The following C1QTNF6 variants were observed in gnomAD, a reference collection of about 807,000 sequenced individuals.
C1QTNF6 encodes complement C1q tumor necrosis factor-related protein 6.
In C1QTNF6, 17 loss-of-function variants were observed where a neutral mutation model predicts 20.7. The observed-to-expected ratio is 0.82, with a 90% CI of 0.56 to 1.23. C1QTNF6 has a LOEUF of 1.23. C1QTNF6 is among the 50% of genes most tolerant of loss of function. The pLI, the probability that C1QTNF6 is intolerant of heterozygous loss-of-function variation, is 0.00. For missense variants in C1QTNF6, 329 were observed against 389.7 expected (o/e 0.84, Z 1.31); for synonymous variants, 130 against 156.3 (o/e 0.83, Z 1.25).
rs770710907 is a variant in C1QTNF6, at chr22:37,184,331, A to G, written c.289+887T>C. The G allele has an allele frequency of 1.5e-5, 11 of 716,592 alleles. No homozygotes were observed. Among genetic ancestry groups the G allele is most frequent in the South Asian group, 1.5e-4 (10 of 67,590 alleles). 44.4% of individuals were successfully genotyped at this position (716,592 alleles called of 1,614,324 possible). A position where few individuals can be genotyped will look rare whatever the true frequency, so the allele number is the denominator to read the frequency against. On this transcript the variant is annotated intron_variant, in intron 2 of 2. Transcript: ENST00000337843. The surrounding 1 kb of genome is among the most constrained non-coding windows in gnomAD (Gnocchi z 4.0). The stretch of plus-strand genomic sequence containing the variant: ...TGCAAAGTGGGAGGAATAAGAAAAT[A>G]TCGACCTCACGGGCTGTTGTGGGCA...
Position 37,182,956 on chromosome 22 carries a change from G to A in C1QTNF6, c.290-221C>T, listed in dbSNP as rs9622566. 242 of 1,409,008 alleles carry A rather than the reference G, an allele frequency of 1.7e-4. No homozygotes were observed. In the African/African-American group the frequency reaches 2.7e-3, roughly 16 times the overall value. 87.3% of individuals were successfully genotyped at this position (1,409,008 alleles called of 1,614,324 possible). On this transcript the variant is annotated intron_variant, in intron 2 of 2. Transcript: ENST00000337843. ...ACAGAGAGGGTGAGTGACTCACCCC[G>A]GGCCACACAGTGCAGGAGCAGAAGA... is the stretch of plus-strand genomic sequence containing the variant.
chr22:37,192,015 T>C (rs1224976585), upstream of C1QTNF6, among the ~76,000 whole-genome samples: 1 of 148,078 alleles, frequency 6.8e-6, no homozygotes, highest in Admixed American at 6.8e-5. Context: ...ATTTAATTTA[T>C]GGAAAAACTG....
chr22:37,186,363 T>C (rs1366903550), intron 1 of C1QTNF6, among the ~76,000 whole-genome samples: 3 of 152,234 alleles, frequency 2.0e-5, no homozygotes, highest in Non-Finnish European at 2.9e-5. Context: ...CAACTATCTA[T>C]GCAACCCAAC....
intron 2 of C1QTNF6, among the ~76,000 whole-genome samples, chr22:37,183,950 C>T (rs889029328): frequency 6.6e-6 from 1 of 152,106 alleles, no homozygotes; most frequent in Admixed American, 6.5e-5. Flanking sequence ...AGGCTGGGAC[C>T]CAGGACTCCC....
At chr22:37,188,333 G>A (rs1348741387), upstream of C1QTNF6, 11 of 878,544 alleles carry the variant, frequency 1.3e-5, 1 homozygote, top group South Asian at 1.9e-5. Flanking sequence ...GGAGGGCGGA[G>A]GGAGAGGGCA....
chr22:37,197,043 A>C (rs1034293674), intron 1 of C1QTNF6: 2 of 152,272 alleles, frequency 1.3e-5, no homozygotes, highest in Admixed American at 1.3e-4. Context: ...GTCACATGGC[A>C]GACTACAATC....
At chr22:37,185,870 C>T (rs1374261663) in intron 1 of C1QTNF6, 1 of 988,654 alleles carries the variant, frequency 1.0e-6, no homozygotes, top group Non-Finnish European at 1.2e-6. Flanking sequence ...CGCCCGCGCA[C>T]CTCCCTCTGG....
Position 37,185,459 on chromosome 22 carries a change from G to C in C1QTNF6, c.52-4C>G, listed in dbSNP as rs780585721. 1 of 1,593,058 alleles carries C rather than the reference G, an allele frequency of 6.3e-7. No individual in the cohort carries two copies. The highest frequency in any genetic ancestry group is 8.6e-7 in the Non-Finnish European group (1 of 1,167,874). ...GGGCGGCTGTCCCCATGGTGACCTG[G>C]AACAAGGAAGGAGGGACAGGAACTA... On this transcript the variant is annotated splice_region_variant and splice_polypyrimidine_tract_variant and intron_variant, in intron 1 of 2. Transcript: ENST00000337843.
intron 1 of C1QTNF6, 153 bp from the exon 2 acceptor site, chr22:37,185,608 A>G: frequency 7.3e-7 from 1 of 1,361,464 alleles, no homozygotes; most frequent in Non-Finnish European, 9.4e-7. Flanking sequence ...AGACAAGAAG[A>G]CTGAGACCTC....
intron 1 of C1QTNF6, chr22:37,185,705 G>C: frequency 8.4e-7 from 1 of 1,191,266 alleles, no homozygotes; most frequent in Non-Finnish European, 1.0e-6. Context: ...GTCCATGGAG[G>C]CTTCTGCTCC....
intron 2 of C1QTNF6, 50 bp from the exon 3 acceptor site, chr22:37,182,785 C>A (rs1372610167): frequency 1.3e-6 from 2 of 1,507,154 alleles, no homozygotes; most frequent in Non-Finnish European, 1.8e-6. Flanking sequence ...GAGCCTGCTC[C>A]AAGGAGGTGC....
Position 37,181,485 on chromosome 22 carries a change from C to A in C1QTNF6, c.*703G>T, listed in dbSNP as rs1923762670. ...GGTGGGTCACCTGAAGTCAGGAGTT[C>A]AAGACCAGCCTGGCCAATATGGTGA... On this transcript the variant is annotated 3_prime_UTR_variant, in exon 3 of 3. Coordinates refer to ENST00000337843, the MANE Select transcript of C1QTNF6 (RefSeq NM_031910.4). 1 of 152,126 alleles carries A rather than the reference C, an allele frequency of 6.6e-6. No homozygotes were observed. Among genetic ancestry groups the A allele is most frequent in the African/African-American group, 2.4e-5 (1 of 41,392 alleles). 9.4% of individuals were successfully genotyped at this position (152,126 alleles called of 1,614,324 possible).
intron 2 of C1QTNF6, among the ~76,000 whole-genome samples, chr22:37,193,422 G>C (rs1029162741): frequency 3.3e-5 from 5 of 152,004 alleles, no homozygotes; most frequent in African/African-American, 1.2e-4. Context: ...GTCCTCTCAG[G>C]TGGGGCATCA....
upstream of C1QTNF6, among the ~76,000 whole-genome samples, chr22:37,192,559 A>G (rs1398824003): frequency 3.9e-5 from 6 of 152,250 alleles, no homozygotes; most frequent in Non-Finnish European, 8.8e-5. Flanking sequence ...CAAACCTAAA[A>G]TCTGACCTGC....
chr22:37,190,532 A>C (rs1924749727), upstream of C1QTNF6: 1 of 152,212 alleles, frequency 6.6e-6, no homozygotes, highest in South Asian at 2.1e-4. Context: ...CAGGGACTTC[A>C]TACACAAGGT....
chr22:37,199,355 A>C (rs534970320), upstream of C1QTNF6: 1 of 152,468 alleles, frequency 6.6e-6, no homozygotes, highest in South Asian at 2.1e-4. Flanking sequence ...CCGAGGGACG[A>C]GGACCTGCCT....
rs1924097321 is a variant in C1QTNF6, at chr22:37,184,477, C to CCTCACCTGGATGCCT, written c.289+726_289+740dup. 5 of 714,728 alleles carry CCTCACCTGGATGCCT rather than the reference C, an allele frequency of 7.0e-6. No individual in the cohort carries two copies. The South Asian group carries it at 7.4e-5, about 11-fold the overall frequency. 44.3% of individuals were successfully genotyped at this position (714,728 alleles called of 1,614,324 possible). ...GGTAGCCAGCCCGCACCTGGACGGC[C>CCTCACCTGGATGCCT]CTCACCTGGATGCCTTTCACCTGGA... On this transcript the variant is annotated intron_variant, in intron 2 of 2. Transcript: ENST00000337843. The surrounding 1 kb of genome is among the most constrained non-coding windows in gnomAD (Gnocchi z 4.0).
intron 2 of C1QTNF6, 147 bp from the exon 3 acceptor site, chr22:37,182,882 G>A: frequency 1.4e-6 from 2 of 1,439,150 alleles, no homozygotes; most frequent in Non-Finnish European, 1.8e-6. Flanking sequence ...GCCAGACATT[G>A]CCTCCCCACA....
rs1024683660 is a variant in C1QTNF6 at position 37,185,549 on chromosome 22, C to T, written c.52-94G>A. 3.5e-6 allele frequency: 5 copies of T among 1,433,650 alleles called. No individual in the cohort carries two copies. In the African/African-American group the frequency reaches 5.7e-5, roughly 16 times the overall value. The allele number at this position is 1,433,650 out of a possible 1,614,324, so 88.8% of individuals were successfully genotyped here. A position where few individuals can be genotyped will look rare whatever the true frequency, so the allele number is the denominator to read the frequency against. ...GGGCGGGTGCTGCGTCCTCCAGCCA[C>T]AGCACTCCTGACCTAACTCCAGAGG... On this transcript the variant is annotated intron_variant, in intron 1 of 2. Coordinates refer to ENST00000337843, the MANE Select transcript of C1QTNF6 (RefSeq NM_031910.4).
Sources: allele counts gnomAD v4.1 joint callset (sites outside exome capture counted in the v4.1 genomes callset), GRCh38; gene constraint gnomAD v4.1.1; non-coding constraint Gnocchi (gnomAD v3.1); transcripts MANE v1.5; gene names NCBI Gene and HGNC (gene_info 2026-07-23, HGNC 2026-07-21).